FRMD4A: variants seen among roughly 807,000 people sequenced by gnomAD.
FRMD4A encodes FERM domain containing 4A, also known as FERM domain-containing protein 4A.
FRMD4A carries 29 observed loss-of-function variants against 129.1 expected under a neutral mutation model. The observed-to-expected ratio is 0.22, with a 90% CI of 0.17 to 0.31. The LOEUF (loss-of-function observed/expected upper bound fraction) is 0.31, where lower values mean the gene tolerates loss of function less well. FRMD4A is among the 10% of genes least tolerant of loss of function. FRMD4A has a pLI of 1.00. For synonymous variants in FRMD4A, 634 were observed against 571.6 expected (o/e 1.11, Z -1.56); for missense variants, 1,272 against 1,375.8 (o/e 0.92, Z 1.19).
At chr10:14,004,329 G>A (rs894155548) in intron 2 of FRMD4A, among the ~76,000 whole-genome samples, 2 of 152,168 alleles carry the variant, frequency 1.3e-5, no homozygotes, top group African/African-American at 4.8e-5. Flanking sequence ...GATCACCTGA[G>A]GTCAGGAGTT....
chr10:14,259,682 T>G (rs994126237), intron 2 of FRMD4A, among the ~76,000 whole-genome samples: 32 of 152,332 alleles, frequency 2.1e-4, no homozygotes, highest in Admixed American at 6.5e-4. Flanking sequence ...AAGAAAATGT[T>G]TGACTTCACT....
chr10:14,085,690 T>A (rs546868131), intron 2 of FRMD4A, among the ~76,000 whole-genome samples: 40 of 152,288 alleles, frequency 2.6e-4, no homozygotes, highest in African/African-American at 9.6e-4. Context: ...TATCTTCCCA[T>A]CTTCATTTGC....
chr10:14,108,839 C>G lies in FRMD4A; in HGVS notation c.45+221219G>C, dbSNP rs896591165. Among the ~76,000 whole-genome samples, 13 of 152,180 alleles carry G rather than the reference C, an allele frequency of 8.5e-5. No homozygotes were observed. In the East Asian group the frequency reaches 2.1e-3, roughly 25 times the overall value. ...GAAAATTACTCCATAGAAACAAAAA[C>G]AAACTCAATGGGGAAAAGTAGAAAG... On this transcript the variant is annotated intron_variant, in intron 2 of 24. Transcript: ENST00000357447.
At chr10:14,315,986 G>C (rs969517992) in intron 2 of FRMD4A, among the ~76,000 whole-genome samples, 1 of 152,346 alleles carries the variant, frequency 6.6e-6, no homozygotes, top group Non-Finnish European at 1.5e-5. Context: ...TACCAGGTGG[G>C]TTGGGTGCCC....
At chr10:13,903,714 T>A (rs10906537) in intron 2 of FRMD4A, among the ~76,000 whole-genome samples, 52,607 of 150,368 alleles carry the variant, frequency 0.35, 9,923 homozygotes, top group African/African-American at 0.5. Context: ...TCTAAAAAAA[T>A]AAAAATAAAA....
At chr10:13,778,623 T>TG (rs1240640403) in intron 6 of FRMD4A, among the ~76,000 whole-genome samples, 53,837 of 138,108 alleles carry the variant, frequency 0.39, 10,669 homozygotes, top group Non-Finnish European at 0.46. Flanking sequence ...GTGTGTGTGT[T>TG]TGTGTGTGTG....
At chr10:13,687,329 T>G (rs572375292) in intron 15 of FRMD4A, among the ~76,000 whole-genome samples, 1 of 152,284 alleles carries the variant, frequency 6.6e-6, no homozygotes, top group East Asian at 1.9e-4. Flanking sequence ...TGAGCTGTTC[T>G]CTGATGGCAA....
intron 3 of FRMD4A, among the ~76,000 whole-genome samples, chr10:13,840,764 G>C (rs1413372163): frequency 7.3e-6 from 1 of 136,746 alleles, no homozygotes; most frequent in Non-Finnish European, 1.5e-5. Context: ...CTCCAGTGTG[G>C]GCAAAAAGAG....
chr10:13,908,427 T>C (rs2131218472), intron 2 of FRMD4A, among the ~76,000 whole-genome samples: 1 of 152,348 alleles, frequency 6.6e-6, no homozygotes, highest in African/African-American at 2.4e-5. Flanking sequence ...CACTGTTTTG[T>C]GTGTTTTTCA....
intron 2 of FRMD4A, among the ~76,000 whole-genome samples, chr10:13,932,569 C>G (rs556937076): frequency 7.2e-5 from 11 of 152,240 alleles, no homozygotes; most frequent in South Asian, 6.2e-4. Context: ...CCTTAATCAC[C>G]AGCCAATACT....
At chr10:13,987,816 C>T (rs2095587309) in intron 2 of FRMD4A, among the ~76,000 whole-genome samples, 2 of 152,208 alleles carry the variant, frequency 1.3e-5, no homozygotes, top group African/African-American at 4.8e-5. Context: ...TACAATTTAA[C>T]AGAACAAGAT....
intron 2 of FRMD4A, among the ~76,000 whole-genome samples, chr10:14,151,107 C>T (rs1840316733): frequency 6.6e-6 from 1 of 152,198 alleles, no homozygotes; most frequent in Non-Finnish European, 1.5e-5. Flanking sequence ...ACTGATCCCT[C>T]CTGAGTCTGG....
chr10:13,690,987 T>A (rs182112769), intron 15 of FRMD4A, among the ~76,000 whole-genome samples: 51 of 152,290 alleles, frequency 3.3e-4, no homozygotes, highest in Admixed American at 1.2e-3. Context: ...TTGGATTTCA[T>A]TTGTGTGTGT....
chr10:13,816,796 A>G (rs761585185), intron 3 of FRMD4A, among the ~76,000 whole-genome samples: 3 of 152,222 alleles, frequency 2.0e-5, no homozygotes, highest in Non-Finnish European at 4.4e-5. Flanking sequence ...GAGCAAGGCC[A>G]GAAAGGCAGC....
intron 2 of FRMD4A, among the ~76,000 whole-genome samples, chr10:14,086,193 A>T (rs932877831): frequency 2.6e-5 from 4 of 152,206 alleles, no homozygotes; most frequent in African/African-American, 9.7e-5. Context: ...TGATTAATTT[A>T]ATTATCTGTT....
At chr10:13,784,787 C>T (rs765756152) in intron 5 of FRMD4A, among the ~76,000 whole-genome samples, 9 of 152,122 alleles carry the variant, frequency 5.9e-5, no homozygotes, top group Non-Finnish European at 1.2e-4. Context: ...GTCAGGAGTT[C>T]GAAACCAGCC....
At chr10:14,276,367 C>T (rs1470137068) in intron 2 of FRMD4A, among the ~76,000 whole-genome samples, 1 of 152,166 alleles carries the variant, frequency 6.6e-6, no homozygotes, top group African/African-American at 2.4e-5. Context: ...TGGCAACTTC[C>T]TCTGTGTGGC....
At chr10:13,727,969 A>C (rs1318051862) in intron 12 of FRMD4A, 1 of 152,200 alleles carries the variant, frequency 6.6e-6, no homozygotes. Flanking sequence ...AGCTCTGTGC[A>C]TGCAGGGACA....
At chr10:13,950,546 C>G (rs765449270) in intron 2 of FRMD4A, among the ~76,000 whole-genome samples, 3 of 152,142 alleles carry the variant, frequency 2.0e-5, no homozygotes, top group Non-Finnish European at 2.9e-5. Context: ...CAGAATGGAC[C>G]AGGTAGGATA....
Sources: gnomAD v4.1 joint callset for allele counts (sites outside exome capture counted in the v4.1 genomes callset) on GRCh38, gnomAD v4.1.1 for gene constraint, MANE v1.5 for transcripts, NCBI Gene and HGNC (gene_info 2026-07-23, HGNC 2026-07-21) for gene names.